The following ARHGAP15 variants were observed in gnomAD, a reference collection of about 807,000 sequenced individuals.
ARHGAP15 encodes the protein Rho GTPase activating protein 15.
Under a neutral mutation model 63.7 loss-of-function variants are expected in ARHGAP15, and 51 were observed. That is an observed-to-expected ratio of 0.80 (90% CI 0.64 to 1.01). The LOEUF is 1.01. Ranked by LOEUF, ARHGAP15 falls within the 50% of genes least tolerant of loss-of-function variation. The probability of loss-of-function intolerance (pLI) is 0.00; values close to 1 mark genes in which losing one functional copy is unlikely to be tolerated. For synonymous variants in ARHGAP15, 191 were observed against 193.8 expected (o/e 0.99, Z 0.12); for missense variants, 560 against 564.6 (o/e 0.99, Z 0.08).
At chr2:143,543,761 T>C (rs931296384) in intron 10 of ARHGAP15, among the ~76,000 whole-genome samples, 3 of 152,196 alleles carry the variant, frequency 2.0e-5, no homozygotes, top group African/African-American at 7.2e-5. Context: ...ATCTGGTTTG[T>C]ATTACACTAG....
At chr2:143,596,169 G>A (rs1697510071) in intron 11 of ARHGAP15, among the ~76,000 whole-genome samples, 1 of 152,086 alleles carries the variant, frequency 6.6e-6, no homozygotes, top group Non-Finnish European at 1.5e-5. Context: ...CCTAGCTAAG[G>A]AAGAATACTA....
intron 8 of ARHGAP15, among the ~76,000 whole-genome samples, chr2:143,450,735 T>C (rs894532886): frequency 6.6e-6 from 1 of 151,886 alleles, no homozygotes; most frequent in Non-Finnish European, 1.5e-5. Flanking sequence ...AGAAGAAAAT[T>C]AGAGGAGAAA....
At chr2:143,451,691 G>A (rs1443294127) in intron 8 of ARHGAP15, among the ~76,000 whole-genome samples, 1 of 151,860 alleles carries the variant, frequency 6.6e-6, no homozygotes, top group Non-Finnish European at 1.5e-5. Context: ...TAATATATTT[G>A]TTTCATATGT....
intron 10 of ARHGAP15, among the ~76,000 whole-genome samples, chr2:143,544,086 T>C (rs1695223274): frequency 6.6e-6 from 1 of 152,180 alleles, no homozygotes; most frequent in Admixed American, 6.5e-5. Context: ...CAGGGAAAGG[T>C]AGAGCTTCTA....
chr2:143,764,085 T>C (rs1465260414), intron 13 of ARHGAP15, among the ~76,000 whole-genome samples: 1 of 152,176 alleles, frequency 6.6e-6, no homozygotes, highest in Non-Finnish European at 1.5e-5. Flanking sequence ...ATTTAAAACG[T>C]GCATAAGTTT....
At chr2:143,205,692 T>G (rs1366284966) in intron 3 of ARHGAP15, among the ~76,000 whole-genome samples, 2 of 152,248 alleles carry the variant, frequency 1.3e-5, no homozygotes, top group East Asian at 1.9e-4. Context: ...CATCAGTGCC[T>G]TCTCAAACTG....
At chr2:143,194,544 G>T (rs1378690867) in intron 2 of ARHGAP15, among the ~76,000 whole-genome samples, 4 of 151,892 alleles carry the variant, frequency 2.6e-5, no homozygotes, top group Admixed American at 2.6e-4. Flanking sequence ...GAAATTCATG[G>T]CTAAAAAATA....
chr2:143,357,302 A>C (rs1010018470), intron 6 of ARHGAP15, among the ~76,000 whole-genome samples: 4 of 152,180 alleles, frequency 2.6e-5, no homozygotes, highest in African/African-American at 7.2e-5. Flanking sequence ...AACAGGGCTA[A>C]AGGAAGCAGA....
intron 6 of ARHGAP15, among the ~76,000 whole-genome samples, chr2:143,431,239 G>A: frequency 6.6e-6 from 1 of 152,092 alleles, no homozygotes; most frequent in South Asian, 2.1e-4. Context: ...GTCCTTGACT[G>A]TATACAACTG....
chr2:143,642,298 TGGG>T (rs1424333087), intron 12 of ARHGAP15, among the ~76,000 whole-genome samples: 8 of 151,956 alleles, frequency 5.3e-5, no homozygotes, highest in Non-Finnish European at 4.4e-5. Context: ...TAGATAATGT[TGGG>T]GGGGATTTCA....
intron 6 of ARHGAP15, among the ~76,000 whole-genome samples, chr2:143,346,632 A>C (rs1014323056): frequency 1.3e-5 from 2 of 152,178 alleles, no homozygotes; most frequent in Admixed American, 1.3e-4. Context: ...CAGATCAAAA[A>C]GAGGAGAATC....
At chr2:143,252,635 C>A (rs1172996178) in intron 6 of ARHGAP15, among the ~76,000 whole-genome samples, 1 of 151,958 alleles carries the variant, frequency 6.6e-6, no homozygotes, top group African/African-American at 2.4e-5. Flanking sequence ...TGTTCTGTTT[C>A]ATTCTTTTTG....
chr2:143,577,943 T>C (rs1696737069), intron 11 of ARHGAP15, among the ~76,000 whole-genome samples: 1 of 152,194 alleles, frequency 6.6e-6, no homozygotes, highest in Non-Finnish European at 1.5e-5. Flanking sequence ...TGCCAGACTG[T>C]ACAGATAGAA....
chr2:143,362,338 G>T (rs1290478649), intron 6 of ARHGAP15, among the ~76,000 whole-genome samples: 1 of 152,094 alleles, frequency 6.6e-6, no homozygotes, highest in African/African-American at 2.4e-5. Flanking sequence ...GCAGTATTTG[G>T]CACAGTTGTG....
Position 143,430,149 on chromosome 2 carries a change from C to A in ARHGAP15, c.475-5452C>A, listed in dbSNP as rs537970077. ...TCATGACAGATGGGGATTACAAATGCATTTTAATAAGAGAGTTGCCAAAGT... is the reference window on the plus strand; with the variant it reads ...TCATGACAGATGGGGATTACAAATGAATTTTAATAAGAGAGTTGCCAAAGT... On this transcript the variant is annotated intron_variant, in intron 6 of 13. Transcript: ENST00000295095. Among the ~76,000 whole-genome samples the A allele has an allele frequency of 1.6e-3, 235 of 150,182 alleles. 1 individual carries two copies. Among genetic ancestry groups the A allele is most frequent in the African/African-American group, 5.7e-3 (233 of 40,934 alleles).
chr2:143,400,502 C>T (rs991590642), intron 6 of ARHGAP15, among the ~76,000 whole-genome samples: 1 of 151,856 alleles, frequency 6.6e-6, no homozygotes, highest in African/African-American at 2.4e-5. Context: ...CTGAGATCAC[C>T]TGGTGAATTA....
chr2:143,701,369 T>G (rs1684081986), intron 12 of ARHGAP15, among the ~76,000 whole-genome samples: 1 of 152,224 alleles, frequency 6.6e-6, no homozygotes, highest in Non-Finnish European at 1.5e-5. Flanking sequence ...TATTAAGAAC[T>G]GTATTTGGCC....
Position 143,240,944 on chromosome 2 carries a change from CA to C in ARHGAP15, c.385-9566del, listed in dbSNP as rs140883490. On this transcript the variant is annotated intron_variant, in intron 5 of 13. Transcript: ENST00000295095. ...TAACCACAGAAATCCATGAAATTGA[CA>C]GGATTCTTTACAAATGGATCAGAGC... Among the ~76,000 whole-genome samples the C allele has an allele frequency of 3.6e-4, 55 of 152,124 alleles. No homozygotes were observed. The East Asian group carries it at 0.011, about 29-fold the overall frequency.
chr2:143,272,032 T>G (rs189523473), intron 6 of ARHGAP15, among the ~76,000 whole-genome samples: 1 of 152,208 alleles, frequency 6.6e-6, no homozygotes, highest in Non-Finnish European at 1.5e-5. Context: ...GAACTATGCC[T>G]TGTGTTCTTT....
Sources: gnomAD v4.1 joint callset for allele counts (sites outside exome capture counted in the v4.1 genomes callset) on GRCh38, gnomAD v4.1.1 for gene constraint, MANE v1.5 for transcripts, NCBI Gene and HGNC (gene_info 2026-07-23, HGNC 2026-07-21) for gene names.